ATRN: variants seen among roughly 807,000 people sequenced by gnomAD.
ATRN encodes the protein attractin.
Under a neutral mutation model 178.7 loss-of-function variants are expected in ATRN, and 54 were observed. The observed-to-expected ratio is 0.30, with a 90% confidence interval of 0.24 to 0.38. ATRN has a LOEUF of 0.38. Ranked by LOEUF, ATRN falls within the 10% of genes least tolerant of loss-of-function variation. The probability of loss-of-function intolerance (pLI) is 1.00; values close to 1 mark genes in which losing one functional copy is unlikely to be tolerated. For missense variants in ATRN, 1,443 were observed against 1,815.1 expected (o/e 0.79, Z 3.73); for synonymous variants, 636 against 663.0 (o/e 0.96, Z 0.63).
intron 25 of ATRN, among the ~76,000 whole-genome samples, chr20:3,628,569 C>T (rs2086962875): frequency 6.6e-6 from 1 of 152,112 alleles, no homozygotes; most frequent in Non-Finnish European, 1.5e-5. Context: ...TCCAGTGTAT[C>T]CACGCCCCTA....
At chr20:3,533,277 G>T (rs1332263729) in intron 1 of ATRN, among the ~76,000 whole-genome samples, 1 of 152,196 alleles carries the variant, frequency 6.6e-6, no homozygotes, top group Non-Finnish European at 1.5e-5. Flanking sequence ...CATCAGATGT[G>T]CCCTCACATC....
intron 24 of ATRN, among the ~76,000 whole-genome samples, chr20:3,610,552 G>A (rs906669827): frequency 6.7e-6 from 1 of 148,186 alleles, no homozygotes; most frequent in Non-Finnish European, 1.5e-5. Flanking sequence ...ACACCGCCAC[G>A]CTAGTTCCAG....
rs527734413 is a variant in ATRN at position 3,474,664 on chromosome 20, A to C, written c.410+3147A>C. 1.0e-4 allele frequency among the ~76,000 whole-genome samples: 15 copies of C among 148,468 alleles called. 1 individual carries two copies. The East Asian group carries it at 3.1e-3, about 30-fold the overall frequency. On this transcript the variant is annotated intron_variant, in intron 1 of 28. Transcript: ENST00000262919. ...AGAGCTTGCAGTGAGCCGAGATCGC[A>C]CCACTGCACTCCAGCCTGGGTGACA...
At position 3,516,712 on chromosome 20, in the gene ATRN, C is replaced by T. The variant is rs772634729; in HGVS notation, c.411-18541C>T. Among the ~76,000 whole-genome samples, 324 of 152,256 alleles carry T rather than the reference C, an allele frequency of 2.1e-3. 4 individuals are homozygous for T. The highest frequency in any genetic ancestry group is 3.7e-3 in the Non-Finnish European group (252 of 68,016). On this transcript the variant is annotated intron_variant, in intron 1 of 28. Coordinates refer to ENST00000262919, the MANE Select transcript of ATRN (RefSeq NM_139321.3). ...CTGGTTCTCTTGAGCCAGCCTGCTGCGGGGCCCTACAGAAAACTGTAGGAT... is the reference window on the plus strand; with the variant it reads ...CTGGTTCTCTTGAGCCAGCCTGCTGTGGGGCCCTACAGAAAACTGTAGGAT...
chr20:3,527,923 G>A (rs1475650855), intron 1 of ATRN, among the ~76,000 whole-genome samples: 1 of 150,920 alleles, frequency 6.6e-6, no homozygotes, highest in Non-Finnish European at 1.5e-5. Context: ...TGTTGGGAGG[G>A]TGGGGGGCTA....
rs1281380637 is a variant in ATRN, at chr20:3,638,762, T to C, written c.3943-66T>C. ...GGGAGGATGAGGTGTTTTTAACATG[T>C]AGCATTAACTAATAAAACCCCTTCA... On this transcript the variant is annotated intron_variant, in intron 26 of 28. Coordinates refer to ENST00000262919, the MANE Select transcript of ATRN (RefSeq NM_139321.3). This position sits in a 1 kb window ranked among gnomAD's most constrained non-coding sequence, Gnocchi z 4.5. The C allele has an allele frequency of 3.7e-6, 5 of 1,365,576 alleles. No individual in the cohort carries two copies. The African/African-American group carries it at 5.8e-5, about 16-fold the overall frequency. The allele number at this position is 1,365,576 out of a possible 1,614,324, so 84.6% of individuals were successfully genotyped here.
At chr20:3,486,346 C>T (rs906321702) in intron 1 of ATRN, among the ~76,000 whole-genome samples, 7 of 152,086 alleles carry the variant, frequency 4.6e-5, no homozygotes, top group African/African-American at 1.7e-4. Context: ...AAGTAAATCT[C>T]AGGTGCCATT....
chr20:3,540,394 TC>T, intron 3 of ATRN, 59 bp downstream of exon 3: 1 of 1,102,588 alleles, frequency 9.1e-7, no homozygotes. Flanking sequence ...AAACATATCT[TC>T]TGGATTGCAT....
Position 3,492,209 on chromosome 20 carries a change from G to A in ATRN, c.410+20692G>A, listed in dbSNP as rs543502008. On this transcript the variant is annotated intron_variant, in intron 1 of 28. Coordinates refer to ENST00000262919, the MANE Select transcript of ATRN (RefSeq NM_139321.3). The stretch of plus-strand genomic sequence containing the variant: ...TGTGTGTGTGTGTGTGTGTGTATCC[G>A]TTCTCTGGGCAGGGAGGGGAATATG... Among the ~76,000 whole-genome samples, 38 of 144,852 alleles carry A rather than the reference G, an allele frequency of 2.6e-4. 1 individual carries two copies. In the East Asian group the frequency reaches 5.1e-3, roughly 19 times the overall value.
chr20:3,624,445 T>G, intron 24 of ATRN, 66 bp from the exon 25 acceptor site: 42 of 1,341,144 alleles, frequency 3.1e-5, no homozygotes, highest in Non-Finnish European at 4.3e-5. Context: ...ACTCTTGAAA[T>G]GAGAAGCGTG....
chr20:3,500,920 TA>T (rs1407541887), intron 1 of ATRN, among the ~76,000 whole-genome samples: 2 of 152,060 alleles, frequency 1.3e-5, no homozygotes, highest in Non-Finnish European at 2.9e-5. Context: ...TTAAGTTATA[TA>T]TAACTAAACG....
intron 24 of ATRN, among the ~76,000 whole-genome samples, chr20:3,621,660 T>C (rs181811846): frequency 1.7e-3 from 254 of 152,318 alleles, no homozygotes; most frequent in African/African-American, 5.8e-3. Flanking sequence ...TAGGAAATTT[T>C]CATTACCTTC....
intron 1 of ATRN, among the ~76,000 whole-genome samples, chr20:3,503,545 A>T (rs991175149): frequency 1.5e-4 from 23 of 152,190 alleles, no homozygotes; most frequent in African/African-American, 4.6e-4. Flanking sequence ...AATAAATGAA[A>T]TAAAAAAGCA....
chr20:3,492,892 CACACAT>C (rs1278793148), intron 1 of ATRN, among the ~76,000 whole-genome samples: 3 of 146,740 alleles, frequency 2.0e-5, no homozygotes, highest in African/African-American at 7.6e-5. Flanking sequence ...CACACACACA[CACACAT>C]AACTAATATA....
At chr20:3,602,963 C>CAAAAAAAAAAAAAAA (rs3842439) in intron 23 of ATRN, among the ~76,000 whole-genome samples, 1 of 40,868 alleles carries the variant, frequency 2.4e-5, no homozygotes, top group Admixed American at 2.8e-4. Flanking sequence ...AATTCCATCT[C>CAAAAAAAAAAAAAAA]AAAAAAAAAA....
rs1936556709 is a variant in ATRN at position 3,647,295 on chromosome 20, CCTG to C, written c.*451_*453del. 1 of 153,004 alleles carries C rather than the reference CCTG, an allele frequency of 6.5e-6. No individual in the cohort carries two copies. The highest frequency in any genetic ancestry group is 2.4e-5 in the African/African-American group (1 of 41,368). 9.5% of individuals were successfully genotyped at this position (153,004 alleles called of 1,614,324 possible). A position where few individuals can be genotyped will look rare whatever the true frequency, so the allele number is the denominator to read the frequency against. On this transcript the variant is annotated 3_prime_UTR_variant, in exon 29 of 29. Coordinates refer to ENST00000262919, the MANE Select transcript of ATRN (RefSeq NM_139321.3). Reference sequence around the variant, plus strand: ...TCAGATGAATTGTTTTCATCTGAAGCCTGCTATCTTTTTTAAAAGATGTGCTAT... The same window carrying C: ...TCAGATGAATTGTTTTCATCTGAAGCCTATCTTTTTTAAAAGATGTGCTAT...
intron 1 of ATRN, among the ~76,000 whole-genome samples, chr20:3,489,283 G>A (rs1272269869): frequency 6.6e-6 from 1 of 152,044 alleles, no homozygotes; most frequent in Non-Finnish European, 1.5e-5. Context: ...TTTGTAAATT[G>A]TATCTTTAAA....
intron 9 of ATRN, 112 bp from the exon 10 acceptor site, chr20:3,563,097 A>G: frequency 1.1e-6 from 1 of 912,250 alleles, no homozygotes; most frequent in Non-Finnish European, 1.6e-6. Context: ...CTCTGGAAGG[A>G]TTTGTACATT....
intron 1 of ATRN, among the ~76,000 whole-genome samples, chr20:3,476,561 T>C (rs1021871911): frequency 6.6e-6 from 1 of 152,232 alleles, no homozygotes; most frequent in Non-Finnish European, 1.5e-5. Flanking sequence ...TTTTAACTAA[T>C]GAAATGAAAA....
Sources: allele counts gnomAD v4.1 joint callset (sites outside exome capture counted in the v4.1 genomes callset), GRCh38; gene constraint gnomAD v4.1.1; non-coding constraint Gnocchi (gnomAD v3.1); transcripts MANE v1.5; gene names NCBI Gene and HGNC (gene_info 2026-07-23, HGNC 2026-07-21).